Variants in BLK observed in about 807,000 individuals in gnomAD.
BLK encodes tyrosine-protein kinase Blk.
A neutral mutation model predicts 61.8 loss-of-function variants in BLK; 64 were observed. That is an observed-to-expected ratio of 1.03 (90% CI 0.85 to 1.27). The LOEUF (loss-of-function observed/expected upper bound fraction) is 1.27, where lower values mean the gene tolerates loss of function less well. Among genes scored for constraint, BLK ranks in the 50% most tolerant of loss-of-function variants. BLK has a pLI of 0.00. For missense variants in BLK, 853 were observed against 660.5 expected (o/e 1.29, Z -3.19); for synonymous variants, 351 against 272.0 (o/e 1.29, Z -2.86).
chr8:11,525,308 C>A (rs1202590140), intron 1 of BLK, among the ~76,000 whole-genome samples: 1 of 152,192 alleles, frequency 6.6e-6, no homozygotes, highest in Non-Finnish European at 1.5e-5. Context: ...GTACTTAAAG[C>A]AAAATGTAAA....
intron 4 of BLK, among the ~76,000 whole-genome samples, chr8:11,548,462 G>A (rs542692895): frequency 1.3e-3 from 194 of 152,238 alleles, no homozygotes; most frequent in Middle Eastern, 0.01. Context: ...TTGCATTTAA[G>A]CCAGTTGTGT....
Position 11,554,823 on chromosome 8 carries a change from G to A in BLK, c.553G>A (p.Gly185Arg). ...KHYKIRCLDE[G>R]GYYISPRITF... is the part of the protein sequence containing the mutation. ...CTATAAGATCCGCTGCCTGGATGAA[G>A]GGGGCTACTACATCTCCCCCCGGAT... Residue 185 changes from glycine to arginine, a missense_variant, in exon 7 of 13, where the codon GGG becomes AGG. By Grantham distance (125) the Gly-to-Arg change is moderately radical (BLOSUM62 -2). Transcript: ENST00000259089. 1.2e-6 allele frequency: 2 copies of A among 1,614,044 alleles called. No homozygotes were observed. Among genetic ancestry groups the A allele is most frequent in the Non-Finnish European group, 1.7e-6 (2 of 1,179,998 alleles).
chr8:11,546,690 C>T (rs924051932), intron 3 of BLK, among the ~76,000 whole-genome samples: 9 of 152,248 alleles, frequency 5.9e-5, no homozygotes, highest in Non-Finnish European at 1.0e-4. Context: ...ATTCTCCTGC[C>T]TCAGCCTCCC....
chr8:11,505,574 C>G (rs535549674), intron 1 of BLK, among the ~76,000 whole-genome samples: 4 of 152,336 alleles, frequency 2.6e-5, no homozygotes, highest in South Asian at 2.1e-4. Flanking sequence ...AGGCCCTCCC[C>G]CTTCTAGACT....
chr8:11,513,737 G>A (rs530312889), intron 1 of BLK, among the ~76,000 whole-genome samples: 122 of 152,246 alleles, frequency 8.0e-4, no homozygotes, highest in Non-Finnish European at 1.4e-3. Context: ...GTTAGCCAGA[G>A]TTATAGAGTG....
rs374087950 is a variant in BLK, at chr8:11,520,201, G to C, written c.-1-23023G>C. ...TTAGCATTAAGAACCACATAGCCAGGCACGGTGGCTCACAAGTGTAATCCC... is the reference window on the plus strand; with the variant it reads ...TTAGCATTAAGAACCACATAGCCAGCCACGGTGGCTCACAAGTGTAATCCC... On this transcript the variant is annotated intron_variant, in intron 1 of 12. Transcript: ENST00000259089. Among the ~76,000 whole-genome samples the C allele has an allele frequency of 2.6e-4, 39 of 152,150 alleles. No individual in the cohort carries two copies. In the East Asian group the frequency reaches 7.3e-3, roughly 29 times the overall value.
intron 1 of BLK, among the ~76,000 whole-genome samples, chr8:11,514,616 T>C (rs886180098): frequency 5.3e-5 from 8 of 152,162 alleles, no homozygotes; most frequent in Non-Finnish European, 1.2e-4. Flanking sequence ...GCCTTCTCCA[T>C]CCACCCAGCC....
At chr8:11,550,304 C>G (rs1800844547) in intron 6 of BLK, 42 bp downstream of exon 6, 1 of 1,589,968 alleles carries the variant, frequency 6.3e-7, no homozygotes, top group Non-Finnish European at 8.6e-7. Context: ...CCCTGCTCCT[C>G]CCGGGAAGGC....
At chr8:11,557,770 C>G (rs1030755663) in intron 9 of BLK, 192 bp from the exon 10 acceptor site, 1 of 589,030 alleles carries the variant, frequency 1.7e-6, no homozygotes, top group South Asian at 1.7e-5. Flanking sequence ...TCCCGGGGTG[C>G]TGAGACTGGC....
rs141179830 is a variant in BLK at position 11,549,984 on chromosome 8, G to A, written c.369-175G>A. On this transcript the variant is annotated intron_variant, in intron 5 of 12. Coordinates refer to ENST00000259089, the MANE Select transcript of BLK (RefSeq NM_001715.3). ...CAGGAAGCGGAACTGGAAGGGCAGC[G>A]GGGCAGAGGGCACTGACTCCATCAC... 994 of 672,500 alleles carry A rather than the reference G, an allele frequency of 1.5e-3. 10 individuals carry two copies. The African/African-American group carries it at 0.015, about 10-fold the overall frequency. 41.7% of individuals were successfully genotyped at this position (672,500 alleles called of 1,614,324 possible).
chr8:11,501,436 C>T (rs139728789), intron 1 of BLK, among the ~76,000 whole-genome samples: 116 of 151,312 alleles, frequency 7.7e-4, no homozygotes, highest in African/African-American at 2.7e-3. Context: ...ATCTGATGGG[C>T]TCTCTGGCAC....
At chr8:11,518,997 G>A (rs1036285726) in intron 1 of BLK, among the ~76,000 whole-genome samples, 9 of 152,016 alleles carry the variant, frequency 5.9e-5, no homozygotes, top group Non-Finnish European at 7.4e-5. Context: ...ATTCTGTCCC[G>A]TCATCCTGTT....
At chr8:11,525,855 C>T (rs932556025) in intron 1 of BLK, among the ~76,000 whole-genome samples, 1 of 152,142 alleles carries the variant, frequency 6.6e-6, no homozygotes, top group Non-Finnish European at 1.5e-5. Flanking sequence ...AGCGATTCTC[C>T]TGCCTTAGCC....
chr8:11,494,938 G>A (rs1798309815), intron 1 of BLK, among the ~76,000 whole-genome samples: 1 of 152,250 alleles, frequency 6.6e-6, no homozygotes, highest in Admixed American at 6.5e-5. Flanking sequence ...GAGTCACTCG[G>A]CCTCTTGATA....
chr8:11,508,442 T>C (rs1798866779), intron 1 of BLK, among the ~76,000 whole-genome samples: 1 of 152,220 alleles, frequency 6.6e-6, no homozygotes, highest in African/African-American at 2.4e-5. Context: ...CCTGAAGACA[T>C]GGCCCCATGG....
At chr8:11,515,757 G>C (rs934140957) in intron 1 of BLK, among the ~76,000 whole-genome samples, 1 of 152,218 alleles carries the variant, frequency 6.6e-6, no homozygotes, top group Non-Finnish European at 1.5e-5. Context: ...GCTGCATGCG[G>C]GGATGGCCCA....
intron 1 of BLK, among the ~76,000 whole-genome samples, chr8:11,500,625 C>T (rs1340464135): frequency 6.6e-6 from 1 of 151,896 alleles, no homozygotes; most frequent in African/African-American, 2.4e-5. Flanking sequence ...AGGCAATCCT[C>T]CCACCTCAGC....
intron 1 of BLK, among the ~76,000 whole-genome samples, chr8:11,510,660 G>A (rs1798963725): frequency 6.6e-6 from 1 of 152,134 alleles, no homozygotes; most frequent in South Asian, 2.1e-4. Flanking sequence ...AGATTGAAAT[G>A]AAAGAAATCG....
chr8:11,503,923 G>C (rs1198956921), intron 1 of BLK, among the ~76,000 whole-genome samples: 1 of 152,098 alleles, frequency 6.6e-6, no homozygotes, highest in East Asian at 1.9e-4. Context: ...TAGCAAGTGG[G>C]AATCAAAACT....
Sources: gnomAD v4.1 joint callset for allele counts (sites outside exome capture counted in the v4.1 genomes callset) on GRCh38, gnomAD v4.1.1 for gene constraint, MANE v1.5 for transcripts, NCBI Gene and HGNC (gene_info 2026-07-23, HGNC 2026-07-21) for gene names.